SGK2: variants seen among roughly 807,000 people sequenced by gnomAD.
The protein encoded by SGK2 is serum/glucocorticoid regulated kinase 2.
In SGK2, 36 loss-of-function variants were observed where a neutral mutation model predicts 47.5. The observed-to-expected ratio is 0.76, with a 90% CI of 0.58 to 1.00. SGK2 has a LOEUF of 1.00. Ranked by LOEUF, SGK2 falls within the 50% of genes least tolerant of loss-of-function variation. The pLI, the probability that SGK2 is intolerant of heterozygous loss-of-function variation, is 0.00. For synonymous variants in SGK2, 157 were observed against 181.9 expected (o/e 0.86, Z 1.10); for missense variants, 404 against 467.4 (o/e 0.86, Z 1.25).
Position 43,570,685 on chromosome 20 carries a change from G to A in SGK2, c.429G>A (p.Val143=), listed in dbSNP as rs1398921192. ...GGGCCAGGTTCTACGCTGCTGAGGTGGCCAGCGCCATTGGCTACCTGCACT... is the reference window on the plus strand; with the variant it reads ...GGGCCAGGTTCTACGCTGCTGAGGTAGCCAGCGCCATTGGCTACCTGCACT... The part of the protein sequence containing the change: ...EPRARFYAAE[V]ASAIGYLHSL... Residue 143 remains valine (V), a synonymous_variant, in exon 7 of 13, where the codon GTG becomes GTA. Transcript: ENST00000373100. 1 of 1,613,518 alleles carries A rather than the reference G, an allele frequency of 6.2e-7. No homozygotes were observed. Among genetic ancestry groups the A allele is most frequent in the Middle Eastern group, 1.6e-4 (1 of 6,062 alleles).
intron 1 of SGK2, among the ~76,000 whole-genome samples, chr20:43,559,719 C>T (rs894970074): frequency 3.9e-5 from 6 of 152,126 alleles, no homozygotes; most frequent in Non-Finnish European, 7.3e-5. Context: ...CATCTGGCTT[C>T]CAGGAAAGGC....
At chr20:43,581,262 C>A (rs1371473404) in intron 12 of SGK2, among the ~76,000 whole-genome samples, 3 of 152,006 alleles carry the variant, frequency 2.0e-5, no homozygotes, top group African/African-American at 4.8e-5. Flanking sequence ...TATCTTCCTC[C>A]TTTTTTGGCT....
Position 43,571,066 on chromosome 20 carries a change from T to TGGGTGGGG in SGK2, c.510+7_510+8insGGTGGGGG, listed in dbSNP as rs376000344. 46 of 62,170 alleles carry TGGGTGGGG rather than the reference T, an allele frequency of 7.4e-4. 1 individual carries two copies. Among genetic ancestry groups the TGGGTGGGG allele is most frequent in the Middle Eastern group, 4.3e-3 (1 of 230 alleles). 3.9% of individuals were successfully genotyped at this position (62,170 alleles called of 1,614,324 possible). ...ACATTCTCTTGGACTGCCAGGTTGGTGTGTGTGTGTGTGTGTGTGTGTGTG... is the reference window on the plus strand; with the variant it reads ...ACATTCTCTTGGACTGCCAGGTTGGTGGGTGGGGGTGTGTGTGTGTGTGTGTGTGTGTG... On this transcript the variant is annotated splice_region_variant and intron_variant, in intron 8 of 12. Coordinates refer to ENST00000373100, the MANE Select transcript of SGK2 (RefSeq NM_170693.3).
At position 43,566,472 on chromosome 20, in the gene SGK2, G is replaced by A; in HGVS notation, c.-23-1G>A. The stretch of plus-strand genomic sequence containing the variant: ...ATGCCTGCTCCTCCCTGTCCCCCCA[G>A]AGCTGCCTGATCATTGCTACAGAAT... On this transcript the variant is annotated splice_acceptor_variant, in intron 1 of 12. Coordinates refer to ENST00000373100, the MANE Select transcript of SGK2 (RefSeq NM_170693.3). LOFTEE classifies it low-confidence loss of function (5UTR_SPLICE). The A allele has an allele frequency of 6.2e-7, 1 of 1,614,104 alleles. No homozygotes were observed. Among genetic ancestry groups the A allele is most frequent in the Non-Finnish European group, 8.5e-7 (1 of 1,180,020 alleles).
Position 43,585,251 on chromosome 20 carries a change from G to A in SGK2, c.*235G>A, listed in dbSNP as rs1488852694. 4 of 328,808 alleles carry A rather than the reference G, an allele frequency of 1.2e-5. No individual in the cohort carries two copies. The highest frequency in any genetic ancestry group is 2.3e-5 in the Non-Finnish European group (4 of 175,328). The allele number at this position is 328,808 out of a possible 1,614,324, so 20.4% of individuals were successfully genotyped here. On this transcript the variant is annotated 3_prime_UTR_variant, in exon 13 of 13. Coordinates refer to ENST00000373100, the MANE Select transcript of SGK2 (RefSeq NM_170693.3). Reference sequence around the variant, plus strand: ...CTTGACAAATGGCTTCCAATGTTAGGTTTGCTACAAGATGGTTACTGGAGC... The same window carrying A: ...CTTGACAAATGGCTTCCAATGTTAGATTTGCTACAAGATGGTTACTGGAGC...
chr20:43,576,244 T>A lies in SGK2; in HGVS notation c.714T>A (p.Asp238Glu). 1 of 1,614,146 alleles carries A rather than the reference T, an allele frequency of 6.2e-7. No individual in the cohort carries two copies. Among genetic ancestry groups the A allele is most frequent in the Admixed American group, 1.7e-5 (1 of 60,012 alleles). ...LHGLPPFYSQ[D>E]VSQMYENILH... Reference sequence around the variant, plus strand: ...CCCAGCCGCCCTTCTACAGCCAAGATGTATCCCAGATGTATGAGAACATTC... The same window carrying A: ...CCCAGCCGCCCTTCTACAGCCAAGAAGTATCCCAGATGTATGAGAACATTC... The change falls in exon 11 of 13, where the codon GAT becomes GAA. Residue 238 changes from aspartate (D) to glutamate (E), a missense_variant. Physicochemically the swap from Asp to Glu is conservative, Grantham distance 45. Coordinates refer to ENST00000373100, the MANE Select transcript of SGK2 (RefSeq NM_170693.3).
At chr20:43,577,850 G>C (rs934564417) in intron 11 of SGK2, among the ~76,000 whole-genome samples, 1 of 151,768 alleles carries the variant, frequency 6.6e-6, no homozygotes, top group African/African-American at 2.4e-5. Flanking sequence ...TCACTATGTT[G>C]GACAGGCTGG....
At chr20:43,566,069 C>T in intron 1 of SGK2, 1 of 412,646 alleles carries the variant, frequency 2.4e-6, no homozygotes, top group East Asian at 3.6e-5. Flanking sequence ...TTTTTTAGGC[C>T]ACAGGCCTTC....
chr20:43,575,821 G>C (rs1980428743), intron 10 of SGK2, among the ~76,000 whole-genome samples: 1 of 152,176 alleles, frequency 6.6e-6, no homozygotes, highest in African/African-American at 2.4e-5. Context: ...AGGGGACCCT[G>C]GATATGGTTT....
intron 8 of SGK2, among the ~76,000 whole-genome samples, chr20:43,571,336 G>C (rs770472920): frequency 6.6e-6 from 1 of 152,182 alleles, no homozygotes; most frequent in Non-Finnish European, 1.5e-5. Flanking sequence ...CTTAGACTGG[G>C]CTCCATGGAA....
At chr20:43,559,443 G>C (rs895077120) in intron 1 of SGK2, among the ~76,000 whole-genome samples, 2 of 152,032 alleles carry the variant, frequency 1.3e-5, no homozygotes, top group Non-Finnish European at 2.9e-5. Context: ...TTGTCTTCCT[G>C]AAATTCCAGG....
chr20:43,584,708 A>G, intron 12 of SGK2, 144 bp from the exon 13 acceptor site: 1 of 673,204 alleles, frequency 1.5e-6, no homozygotes, highest in Non-Finnish European at 2.6e-6. Context: ...ATCAATGTAA[A>G]TGCACAGGAA....
chr20:43,584,478 A>G (rs1310691313), intron 12 of SGK2, among the ~76,000 whole-genome samples: 2 of 151,994 alleles, frequency 1.3e-5, no homozygotes, highest in South Asian at 2.1e-4. Context: ...ACCTATCACC[A>G]TCCTAAGTTA....
rs1979731589 is a variant in SGK2, at chr20:43,566,547, TCCCCCA to T, written c.36+20_36+25del. 6.4e-7 allele frequency: 1 copy of T among 1,564,286 alleles called. No individual in the cohort carries two copies. The highest frequency in any genetic ancestry group is 1.4e-5 in the African/African-American group (1 of 73,880). On this transcript the variant is annotated intron_variant, in intron 2 of 12. Coordinates refer to ENST00000373100, the MANE Select transcript of SGK2 (RefSeq NM_170693.3). ...AAGTCCACAGGTGAGTGGTTCTTGG[TCCCCCA>T]CCCATCATCGGGGGCTCACTTCTTC...
chr20:43,577,270 A>C (rs1488410100), intron 11 of SGK2, among the ~76,000 whole-genome samples: 1 of 150,546 alleles, frequency 6.6e-6, no homozygotes. Flanking sequence ...TTTTGAGCAG[A>C]GGTCTGGCAT....
chr20:43,568,009 C>A lies in SGK2; in HGVS notation c.228+10C>A. The A allele has an allele frequency of 1.2e-6, 2 of 1,610,856 alleles. No homozygotes were observed. The highest frequency in any genetic ancestry group is 1.7e-6 in the Non-Finnish European group (2 of 1,177,026). On this transcript the variant is annotated intron_variant, in intron 5 of 12. Coordinates refer to ENST00000373100, the MANE Select transcript of SGK2 (RefSeq NM_170693.3). ...CTTAAAGAAGAAAGAGGTACCAGAG[C>A]TCGGGCACAGGCATTTCTTCTTCTG...
At position 43,576,341 on chromosome 20, in the gene SGK2, A is replaced by C. The variant is rs763065323; in HGVS notation, c.811A>C (p.Lys271Gln). The change falls in exon 11 of 13, where the codon AAG becomes CAG. Residue 271 changes from lysine to glutamine, a missense_variant. By Grantham distance (53) the Lys-to-Gln change is moderately conservative (BLOSUM62 1). Transcript: ENST00000373100. ...ACDLLQSLLH[K>Q]DQRQRLGSKA... is the part of the protein sequence containing the mutation. ...TGACCTCCTGCAAAGCCTTCTCCAC[A>C]AGGACCAGAGGCAGCGGCTGGGCTC... 1.2e-6 allele frequency: 2 copies of C among 1,614,214 alleles called. No individual in the cohort carries two copies. The highest frequency in any genetic ancestry group is 2.2e-5 in the South Asian group (2 of 91,080).
At chr20:43,580,653 G>A (rs1980733929) in intron 12 of SGK2, among the ~76,000 whole-genome samples, 1 of 148,562 alleles carries the variant, frequency 6.7e-6, no homozygotes, top group Non-Finnish European at 1.5e-5. Context: ...GCTTGAACCT[G>A]GGAGGCAAGG....
intron 10 of SGK2, 139 bp from the exon 11 acceptor site, chr20:43,576,085 T>C: frequency 1.0e-6 from 1 of 972,398 alleles, no homozygotes. Context: ...TCCTGTCTCT[T>C]TCCAGTCTGC....
Sources: allele counts gnomAD v4.1 joint callset (sites outside exome capture counted in the v4.1 genomes callset), GRCh38; gene constraint gnomAD v4.1.1; transcripts MANE v1.5; gene names NCBI Gene and HGNC (gene_info 2026-07-23, HGNC 2026-07-21).